Variants in CEP164 observed in about 807,000 individuals in gnomAD.
CEP164 encodes centrosomal protein of 164 kDa.
A neutral mutation model predicts 182.7 loss-of-function variants in CEP164; 162 were observed. The observed-to-expected ratio is 0.89, with a 90% CI of 0.78 to 1.01. The LOEUF (loss-of-function observed/expected upper bound fraction) is 1.01. CEP164 is among the 50% of genes least tolerant of loss of function. CEP164 has a pLI of 0.00. For synonymous variants in CEP164, 661 were observed against 690.0 expected, an observed-to-expected ratio of 0.96 and a Z score of 0.66; for missense variants, 1,735 against 1,790.4, an observed-to-expected ratio of 0.97 and a Z score of 0.56.
In CEP164 at chr11:117,412,141, C is replaced by T. The variant is rs755044466; in HGVS notation, c.4356C>T (p.His1452=). ...LSLLQLGLDE[H]NRVKVYRF ...TCCTGCAGCTGGGCCTTGATGAGCA[C>T]AACAGAGTGAAGGTGTATCGCTTCT... Residue 1452 remains histidine, a synonymous_variant, in exon 33 of 33, where the codon CAC becomes CAT. Coordinates refer to ENST00000278935, the MANE Select transcript of CEP164 (RefSeq NM_014956.5). 2 of 1,614,064 alleles carry T rather than the reference C, an allele frequency of 1.2e-6. No individual in the cohort carries two copies. The highest frequency in any genetic ancestry group is 2.7e-5 in the African/African-American group (2 of 74,930).
chr11:117,337,596 A>G (rs2037394415), intron 2 of CEP164, among the ~76,000 whole-genome samples: 1 of 151,464 alleles, frequency 6.6e-6, no homozygotes, highest in Non-Finnish European at 1.5e-5. Context: ...TCCTGGTCCT[A>G]TTAAGCTTAA....
At chr11:117,406,267 G>A (rs2046663999) in intron 27 of CEP164, among the ~76,000 whole-genome samples, 1 of 152,168 alleles carries the variant, frequency 6.6e-6, no homozygotes, top group Non-Finnish European at 1.5e-5. Context: ...CATGGTGGTG[G>A]CAAGTAAAAA....
Position 117,412,257 on chromosome 11 carries a change from A to G in CEP164, c.*89A>G, listed in dbSNP as rs2047440603. 1 of 1,201,494 alleles carries G rather than the reference A, an allele frequency of 8.3e-7. No homozygotes were observed. Among genetic ancestry groups the G allele is most frequent in the Non-Finnish European group, 1.2e-6 (1 of 848,650 alleles). 74.4% of individuals were successfully genotyped at this position (1,201,494 alleles called of 1,614,324 possible). ...CTGCCTGCCTTCTTCCATCTGAGAAAGCACCCTCCTTCCCCCTTTGACTTG... is the reference window on the plus strand; with the variant it reads ...CTGCCTGCCTTCTTCCATCTGAGAAGGCACCCTCCTTCCCCCTTTGACTTG... On this transcript the variant is annotated 3_prime_UTR_variant, in exon 33 of 33. Coordinates refer to ENST00000278935, the MANE Select transcript of CEP164 (RefSeq NM_014956.5).
chr11:117,407,794 A>T, intron 27 of CEP164, 131 bp from the exon 28 acceptor site: 1 of 605,458 alleles, frequency 1.7e-6, no homozygotes, highest in African/African-American at 1.9e-5. Context: ...GAAAAGTCAT[A>T]GTTCTCTGTT....
At chr11:117,337,092 G>A (rs1004342893) in intron 2 of CEP164, among the ~76,000 whole-genome samples, 2 of 152,212 alleles carry the variant, frequency 1.3e-5, no homozygotes, top group Non-Finnish European at 1.5e-5. Flanking sequence ...TTCTGTCTTC[G>A]CTTGGGCTGC....
chr11:117,409,187 C>T lies in CEP164; in HGVS notation c.3748+159C>T. The T allele has an allele frequency of 1.0e-6, 1 of 979,916 alleles. No homozygotes were observed. Among genetic ancestry groups the T allele is most frequent in the South Asian group, 1.6e-5 (1 of 61,524 alleles). The allele number at this position is 979,916 out of a possible 1,614,324, so 60.7% of individuals were successfully genotyped here. A position where few individuals can be genotyped will look rare whatever the true frequency, so the allele number is the denominator to read the frequency against. On this transcript the variant is annotated intron_variant, in intron 29 of 32. Coordinates refer to ENST00000278935, the MANE Select transcript of CEP164 (RefSeq NM_014956.5). The surrounding 1 kb of genome is among the most constrained non-coding windows in gnomAD (Gnocchi z 4.4). ...CGGTCAGTGCTGGGAAGGAATCACA[C>T]CATCTAGGTTTGCCAGCACGTGGGG... is the stretch of plus-strand genomic sequence containing the variant.
intron 15 of CEP164, among the ~76,000 whole-genome samples, chr11:117,389,523 A>G (rs2136290766): frequency 6.6e-6 from 1 of 152,316 alleles, no homozygotes; most frequent in Non-Finnish European, 1.5e-5. Flanking sequence ...CTTGCAAGGA[A>G]AACAGAGATA....
At chr11:117,379,017 G>A (rs995157346) in intron 11 of CEP164, among the ~76,000 whole-genome samples, 1 of 152,100 alleles carries the variant, frequency 6.6e-6, no homozygotes, top group South Asian at 2.1e-4. Flanking sequence ...CTGTCACCTC[G>A]ACAGGTGAGA....
intron 27 of CEP164, among the ~76,000 whole-genome samples, chr11:117,402,913 C>T (rs567058334): frequency 1.2e-3 from 190 of 152,280 alleles, no homozygotes; most frequent in Middle Eastern, 3.4e-3. Context: ...CTCCCTTTAC[C>T]GTTATGTAAT....
chr11:117,383,580 T>G (rs927816371), intron 14 of CEP164, among the ~76,000 whole-genome samples: 3 of 152,266 alleles, frequency 2.0e-5, no homozygotes, highest in African/African-American at 7.2e-5. Flanking sequence ...CTGATTCACC[T>G]ATGTTGTTGA....
At position 117,360,280 on chromosome 11, in the gene CEP164, G is replaced by A. The variant is rs902484929; in HGVS notation, c.394-1555G>A. Among the ~76,000 whole-genome samples the A allele has an allele frequency of 2.6e-5, 4 of 152,046 alleles. No individual in the cohort carries two copies. The South Asian group carries it at 8.3e-4, about 32-fold the overall frequency. ...ACTCCTGGGCTTAATTGATCTTGCC[G>A]CCTCAGCCTCCCAGGTAGCTAGGAC... On this transcript the variant is annotated intron_variant, in intron 5 of 32. Coordinates refer to ENST00000278935, the MANE Select transcript of CEP164 (RefSeq NM_014956.5).
rs1006299559 is a variant in CEP164, at chr11:117,394,860, C to T, written c.2761-60C>T. ...GCATGGTGGGTTCTGGAACCCCCTC[C>T]TGCCCCTCAGCTAATGCCTTACACT... On this transcript the variant is annotated intron_variant, in intron 21 of 32. Coordinates refer to ENST00000278935, the MANE Select transcript of CEP164 (RefSeq NM_014956.5). The surrounding 1 kb of genome is among the most constrained non-coding windows in gnomAD (Gnocchi z 4.0). The T allele has an allele frequency of 4.8e-5, 74 of 1,537,566 alleles. No individual in the cohort carries two copies. Among genetic ancestry groups the T allele is most frequent in the Non-Finnish European group, 5.8e-5 (65 of 1,113,634 alleles).
In CEP164 at chr11:117,382,878, G is replaced by A. The variant is rs772162627; in HGVS notation, c.1660G>A (p.Glu554Lys). ...SQAEELGPGQ[E>K]EAEDPEEKVA... Reference sequence around the variant, plus strand: ...GGCCGAGGAGCTGGGCCCTGGGCAGGAAGAGGCAGAGGATCCTGAGGAGAA... The same window carrying A: ...GGCCGAGGAGCTGGGCCCTGGGCAGAAAGAGGCAGAGGATCCTGAGGAGAA... Residue 554 changes from glutamate (E) to lysine (K), a missense_variant, in exon 14 of 33, where the codon GAA becomes AAA. Glu to Lys is a moderately conservative substitution (Grantham distance 56). Coordinates refer to ENST00000278935, the MANE Select transcript of CEP164 (RefSeq NM_014956.5). The A allele has an allele frequency of 1.2e-6, 2 of 1,614,002 alleles. No individual in the cohort carries two copies. Among genetic ancestry groups the A allele is most frequent in the East Asian group, 2.2e-5 (1 of 44,884 alleles).
At chr11:117,338,942 C>T (rs1164672373) in intron 3 of CEP164, among the ~76,000 whole-genome samples, 4 of 151,938 alleles carry the variant, frequency 2.6e-5, no homozygotes, top group East Asian at 1.9e-4. Context: ...CTCAGCCTCC[C>T]GAGAAGCTGG....
chr11:117,348,121 C>T (rs1471580345), intron 4 of CEP164, among the ~76,000 whole-genome samples: 1 of 152,022 alleles, frequency 6.6e-6, no homozygotes, highest in Non-Finnish European at 1.5e-5. Context: ...AGGTGTATGT[C>T]ACCATGCCTG....
chr11:117,352,019 G>T, intron 5 of CEP164, 31 bp downstream of exon 5: 1 of 1,541,698 alleles, frequency 6.5e-7, no homozygotes. Flanking sequence ...TCCCAGAGAG[G>T]CCAGGGCTGA....
upstream of CEP164, among the ~76,000 whole-genome samples, chr11:117,323,670 A>G (rs1053448096): frequency 6.6e-6 from 1 of 152,186 alleles, no homozygotes; most frequent in Admixed American, 6.6e-5. Context: ...AGGAACCACC[A>G]TACAGTTTCC....
At chr11:117,328,638 A>T (rs912266744) in intron 1 of CEP164, among the ~76,000 whole-genome samples, 11 of 152,134 alleles carry the variant, frequency 7.2e-5, no homozygotes, top group Non-Finnish European at 1.5e-4. Flanking sequence ...AGACCTGCTT[A>T]CTGTCATCGT....
chr11:117,402,269 T>A (rs1254169550), intron 27 of CEP164, among the ~76,000 whole-genome samples: 1 of 151,804 alleles, frequency 6.6e-6, no homozygotes, highest in Non-Finnish European at 1.5e-5. Context: ...TCACCCAGGC[T>A]GGAGTGCAGT....
Sources: allele counts gnomAD v4.1 joint callset (sites outside exome capture counted in the v4.1 genomes callset), GRCh38; gene constraint gnomAD v4.1.1; non-coding constraint Gnocchi (gnomAD v3.1); transcripts MANE v1.5; gene names NCBI Gene and HGNC (gene_info 2026-07-23, HGNC 2026-07-21).